The following TAFA1 variants were observed in gnomAD, a reference collection of about 807,000 sequenced individuals.
TAFA1 encodes chemokine-like protein TAFA-1.
TAFA1 carries 4 observed loss-of-function variants against 18.5 expected under a neutral mutation model. The ratio of observed to expected loss-of-function variants is 0.22; its 90% CI spans 0.11 to 0.49. TAFA1 has a LOEUF of 0.49. Among genes scored for constraint, TAFA1 ranks in the 20% least tolerant of loss-of-function variants. The pLI is 0.98. For missense variants in TAFA1, 147 were observed against 169.0 expected, an observed-to-expected ratio of 0.87 and a Z score of 0.72; for synonymous variants, 56 against 55.2, an observed-to-expected ratio of 1.01 and a Z score of -0.06.
intron 3 of TAFA1, among the ~76,000 whole-genome samples, chr3:68,536,139 A>C (rs1435556280): frequency 6.6e-6 from 1 of 152,210 alleles, no homozygotes; most frequent in African/African-American, 2.4e-5. Context: ...TAATAATTTT[A>C]TTCAAAGTAA....
chr3:68,161,965 C>G (rs951446504), intron 2 of TAFA1, among the ~76,000 whole-genome samples: 2 of 152,162 alleles, frequency 1.3e-5, no homozygotes, highest in African/African-American at 4.8e-5. Context: ...TTTTTATCAG[C>G]TGTGAGTGGC....
intron 2 of TAFA1, among the ~76,000 whole-genome samples, chr3:68,170,332 A>G (rs2066036793): frequency 6.6e-6 from 1 of 152,168 alleles, no homozygotes; most frequent in South Asian, 2.1e-4. Context: ...TAAATGCCCA[A>G]AGTCCAGGGC....
At chr3:68,145,590 A>C in intron 2 of TAFA1, 2 of 1,489,628 alleles carry the variant, frequency 1.3e-6, no homozygotes, top group Non-Finnish European at 9.3e-7. Flanking sequence ...AATGAACAGC[A>C]GTTAGCCAGA....
chr3:68,293,701 G>A (rs2068156133), intron 2 of TAFA1, among the ~76,000 whole-genome samples: 1 of 152,196 alleles, frequency 6.6e-6, no homozygotes, highest in South Asian at 2.1e-4. Flanking sequence ...TAACGCATTT[G>A]TATTTAATAT....
chr3:68,351,420 C>G (rs2069264000), intron 2 of TAFA1, among the ~76,000 whole-genome samples: 2 of 151,920 alleles, frequency 1.3e-5, no homozygotes, highest in African/African-American at 2.4e-5. Flanking sequence ...TAAGCAGATT[C>G]AATGCAGTAG....
rs1559585856 is a variant in TAFA1, at chr3:68,262,324, TATATATATATATATATATATATATA to T, written c.119-154955_119-154931del. ...TATGGAGGGTATATATATATATATA[TATATATATATATATATATATATATA>T]TATATATATTTCATGGGTATATTGA... On this transcript the variant is annotated intron_variant, in intron 2 of 4. Coordinates refer to ENST00000478136, the MANE Select transcript of TAFA1 (RefSeq NM_213609.4). 1.1e-3 allele frequency among the ~76,000 whole-genome samples: 73 copies of T among 67,146 alleles called. 2 individuals are homozygous for T. Among genetic ancestry groups the T allele is most frequent in the Admixed American group, 3.6e-3 (15 of 4,220 alleles). 44.1% of individuals were successfully genotyped at this position (67,146 alleles called of 152,430 possible).
At chr3:68,500,165 A>T (rs763237195) in intron 3 of TAFA1, among the ~76,000 whole-genome samples, 1 of 152,048 alleles carries the variant, frequency 6.6e-6, no homozygotes, top group Non-Finnish European at 1.5e-5. Flanking sequence ...CTGTCTCTTT[A>T]GGTGAGTCAT....
intron 3 of TAFA1, among the ~76,000 whole-genome samples, chr3:68,523,437 T>G (rs2106756128): frequency 6.6e-6 from 1 of 152,328 alleles, no homozygotes; most frequent in Middle Eastern, 3.4e-3. Flanking sequence ...ATAAGTGTTT[T>G]GTAATTTCTT....
At chr3:68,428,469 T>C (rs950243778) in intron 3 of TAFA1, among the ~76,000 whole-genome samples, 1 of 151,838 alleles carries the variant, frequency 6.6e-6, no homozygotes, top group Non-Finnish European at 1.5e-5. Flanking sequence ...CTACCCTGCA[T>C]AGGTGACCCC....
intron 2 of TAFA1, among the ~76,000 whole-genome samples, chr3:68,097,519 T>C (rs907813600): frequency 6.6e-6 from 1 of 152,168 alleles, no homozygotes; most frequent in Non-Finnish European, 1.5e-5. Context: ...TGGGTTTGTA[T>C]TCTGTTGTCT....
intron 2 of TAFA1, among the ~76,000 whole-genome samples, chr3:68,060,784 A>G (rs1224838998): frequency 1.3e-5 from 2 of 152,180 alleles, no homozygotes; most frequent in Non-Finnish European, 2.9e-5. Flanking sequence ...AGGCTGTATA[A>G]TTTTATTGAG....
intron 3 of TAFA1, among the ~76,000 whole-genome samples, chr3:68,453,459 G>A (rs2071601226): frequency 6.6e-6 from 1 of 152,200 alleles, no homozygotes; most frequent in Admixed American, 6.5e-5. Context: ...TGCCCCAAAT[G>A]AGGAGGATGG....
intron 2 of TAFA1, among the ~76,000 whole-genome samples, chr3:68,245,044 G>A (rs1437313954): frequency 6.6e-6 from 1 of 152,146 alleles, no homozygotes; most frequent in Non-Finnish European, 1.5e-5. Context: ...TTATTTTGTT[G>A]TATAGTCAGG....
chr3:68,031,181 G>A lies in TAFA1; in HGVS notation c.118+24437G>A, dbSNP rs12495663. On this transcript the variant is annotated intron_variant, in intron 2 of 4. Transcript: ENST00000478136. ...CCTTATGGAAGAGAAGAGACCTGAAGGTTTGAGTCGATAATGTTTTAATAC... is the reference window on the plus strand; with the variant it reads ...CCTTATGGAAGAGAAGAGACCTGAAAGTTTGAGTCGATAATGTTTTAATAC... 3.8e-3 allele frequency among the ~76,000 whole-genome samples: 572 copies of A among 152,232 alleles called. 3 individuals are homozygous for A. The highest frequency in any genetic ancestry group is 0.014 in the Middle Eastern group (4 of 294).
At chr3:68,083,035 T>C (rs1024002930) in intron 2 of TAFA1, among the ~76,000 whole-genome samples, 4 of 152,234 alleles carry the variant, frequency 2.6e-5, no homozygotes, top group African/African-American at 4.8e-5. Context: ...GAAGGATTAA[T>C]ATTAAATATT....
At chr3:68,225,052 G>C (rs2066780496) in intron 2 of TAFA1, among the ~76,000 whole-genome samples, 1 of 151,774 alleles carries the variant, frequency 6.6e-6, no homozygotes, top group East Asian at 2.0e-4. Flanking sequence ...GGGACTACAG[G>C]TGCACACCAC....
intron 2 of TAFA1, among the ~76,000 whole-genome samples, chr3:68,402,626 TG>T (rs1246743301): frequency 6.6e-6 from 1 of 152,200 alleles, no homozygotes; most frequent in Admixed American, 6.5e-5. Flanking sequence ...CTGATCTCTC[TG>T]GCTGTAGATG....
chr3:68,491,515 G>A (rs966847469), intron 3 of TAFA1, among the ~76,000 whole-genome samples: 3 of 120,174 alleles, frequency 2.5e-5, no homozygotes, highest in Non-Finnish European at 4.8e-5. Context: ...ACAGGAAGGG[G>A]AACATCACAC....
chr3:68,351,375 G>T (rs962048112), intron 2 of TAFA1, among the ~76,000 whole-genome samples: 1 of 151,966 alleles, frequency 6.6e-6, no homozygotes, highest in African/African-American at 2.4e-5. Context: ...AGATAAATTG[G>T]GGTAAACACC....
Sources: gnomAD v4.1 joint callset for allele counts (sites outside exome capture counted in the v4.1 genomes callset) on GRCh38, gnomAD v4.1.1 for gene constraint, MANE v1.5 for transcripts, NCBI Gene and HGNC (gene_info 2026-07-23, HGNC 2026-07-21) for gene names.